USP8: variants seen among roughly 807,000 people sequenced by gnomAD.
The protein encoded by USP8 is ubiquitin specific peptidase 8.
USP8 carries 27 observed loss-of-function variants against 130.0 expected under a neutral mutation model. The observed-to-expected ratio is 0.21, with a 90% CI of 0.15 to 0.29. USP8 has a LOEUF of 0.29. Among genes scored for constraint, USP8 ranks in the 10% least tolerant of loss-of-function variants. USP8 has a pLI of 1.00. For synonymous variants in USP8, 392 were observed against 444.1 expected, an observed-to-expected ratio of 0.88 and a Z score of 1.48; for missense variants, 1,029 against 1,312.2, an observed-to-expected ratio of 0.78 and a Z score of 3.33.
intron 1 of USP8, among the ~76,000 whole-genome samples, chr15:50,436,498 G>A (rs1407904767): frequency 4.0e-5 from 6 of 151,860 alleles, no homozygotes; most frequent in Admixed American, 3.9e-4. Context: ...AACTTTGTTG[G>A]TTTTTTTGTT....
chr15:50,475,271 G>T (rs1289662171), intron 8 of USP8, among the ~76,000 whole-genome samples: 3 of 152,030 alleles, frequency 2.0e-5, no homozygotes, highest in African/African-American at 7.2e-5. Flanking sequence ...AAGGGGCAAA[G>T]GATACAATTA....
chr15:50,496,066 A>C lies in USP8; in HGVS notation c.2877A>C (p.Thr959=). ...FMYLSLPLAS[T]SKCTLQDCLR... ...ATTTGTCTCTACCACTAGCATCCAC[A>C]AGTAAATGTACATTACAGGTAAGTT... Residue 959 remains threonine, a synonymous_variant, in exon 17 of 20, where the codon ACA becomes ACC. Coordinates refer to ENST00000307179, the MANE Select transcript of USP8 (RefSeq NM_005154.5). 1 of 1,612,028 alleles carries C rather than the reference A, an allele frequency of 6.2e-7. No individual in the cohort carries two copies. The highest frequency in any genetic ancestry group is 8.5e-7 in the Non-Finnish European group (1 of 1,178,684).
intron 8 of USP8, among the ~76,000 whole-genome samples, chr15:50,476,042 A>G (rs528009715): frequency 1.7e-4 from 26 of 152,340 alleles, no homozygotes; most frequent in African/African-American, 5.8e-4. Flanking sequence ...ATGTGCATGT[A>G]TAAGGATCTT....
Position 50,443,538 on chromosome 15 carries a change from C to T in USP8, c.249+2045C>T, listed in dbSNP as rs1000086580. ...TCACTCTGTCGCCCAGACTGGAGTG[C>T]GGTAGCTCAATCTCGGCTCACTGCA... On this transcript the variant is annotated intron_variant, in intron 3 of 19. Coordinates refer to ENST00000307179, the MANE Select transcript of USP8 (RefSeq NM_005154.5). 4.0e-5 allele frequency among the ~76,000 whole-genome samples: 6 copies of T among 151,876 alleles called. No individual in the cohort carries two copies. In the East Asian group the frequency reaches 9.7e-4, roughly 24 times the overall value.
intron 5 of USP8, among the ~76,000 whole-genome samples, chr15:50,460,147 G>A (rs1181461013): frequency 1.2e-4 from 18 of 150,480 alleles, no homozygotes; most frequent in African/African-American, 3.9e-4. Flanking sequence ...ACAGGCGCCC[G>A]CCACCACACC....
rs1205167801 is a variant in USP8, at chr15:50,499,319, T to G, written c.*231T>G. 1 of 354,972 alleles carries G rather than the reference T, an allele frequency of 2.8e-6. No individual in the cohort carries two copies. 22.0% of individuals were successfully genotyped at this position (354,972 alleles called of 1,614,324 possible). A position where few individuals can be genotyped will look rare whatever the true frequency, so the allele number is the denominator to read the frequency against. Reference sequence around the variant, plus strand: ...ATTTATTTCAAAACAACTTTTTTAGTCTGCTCCAAAGTTAAAATAATTAAC... The same window carrying G: ...ATTTATTTCAAAACAACTTTTTTAGGCTGCTCCAAAGTTAAAATAATTAAC... On this transcript the variant is annotated 3_prime_UTR_variant, in exon 20 of 20. Coordinates refer to ENST00000307179, the MANE Select transcript of USP8 (RefSeq NM_005154.5).
chr15:50,466,584 G>A (rs1355950826), intron 7 of USP8, among the ~76,000 whole-genome samples: 1 of 148,000 alleles, frequency 6.8e-6, no homozygotes, highest in African/African-American at 2.5e-5. Context: ...TACAGAGGGA[G>A]ACTCTGTCTC....
At chr15:50,458,043 T>C (rs1352680697) in intron 4 of USP8, among the ~76,000 whole-genome samples, 2 of 152,192 alleles carry the variant, frequency 1.3e-5, no homozygotes, top group Admixed American at 1.3e-4. Context: ...GTCTTTAAAT[T>C]TGAAGCTCAC....
chr15:50,432,793 G>C (rs1030390051), intron 1 of USP8, among the ~76,000 whole-genome samples: 1 of 152,016 alleles, frequency 6.6e-6, no homozygotes, highest in Non-Finnish European at 1.5e-5. Flanking sequence ...TTTTAATGCT[G>C]ATCATGACCT....
chr15:50,478,486 T>C (rs1360100216), intron 10 of USP8, among the ~76,000 whole-genome samples: 2 of 152,192 alleles, frequency 1.3e-5, no homozygotes, highest in Non-Finnish European at 1.5e-5. Context: ...AGGTATTGAA[T>C]AGAAAATCTG....
intron 4 of USP8, among the ~76,000 whole-genome samples, chr15:50,453,802 A>C (rs2050698426): frequency 6.8e-6 from 1 of 146,980 alleles, no homozygotes; most frequent in Admixed American, 6.8e-5. Context: ...ACATAGTTAC[A>C]GTTTCTTGAT....
At chr15:50,479,853 G>C (rs1464254096) in intron 10 of USP8, among the ~76,000 whole-genome samples, 1 of 151,920 alleles carries the variant, frequency 6.6e-6, no homozygotes, top group Non-Finnish European at 1.5e-5. Context: ...CGACTTCCTG[G>C]GTTCAAGCAA....
In USP8 at chr15:50,508,893, G is replaced by A. The variant is rs1042740638; in HGVS notation, c.*9805G>A. The stretch of plus-strand genomic sequence containing the variant: ...CTCACGCCTGTAATCCCAGCACTTT[G>A]GGAGGCCGAGGCGGGCGGATCACGA... On this transcript the variant is annotated 3_prime_UTR_variant, in exon 20 of 20. Transcript: ENST00000307179. The A allele has an allele frequency of 2.0e-5, 3 of 151,656 alleles. No homozygotes were observed. Among genetic ancestry groups the A allele is most frequent in the Middle Eastern group, 6.4e-3 (2 of 314 alleles). 9.4% of individuals were successfully genotyped at this position (151,656 alleles called of 1,614,324 possible). A position where few individuals can be genotyped will look rare whatever the true frequency, so the allele number is the denominator to read the frequency against.
intron 3 of USP8, among the ~76,000 whole-genome samples, chr15:50,447,711 C>T (rs1446100296): frequency 2.6e-5 from 4 of 151,158 alleles, no homozygotes; most frequent in African/African-American, 4.9e-5. Flanking sequence ...TACAGGCGCA[C>T]GCCACCATGC....
intron 1 of USP8, chr15:50,432,609 A>G (rs1206091808): frequency 6.6e-6 from 1 of 152,246 alleles, no homozygotes; most frequent in Non-Finnish European, 1.5e-5. Context: ...ACTTGGAGTT[A>G]CATTGCTGTA....
chr15:50,458,726 CAA>C (rs770464126), intron 4 of USP8: 47 of 284,654 alleles, frequency 1.7e-4, no homozygotes, highest in South Asian at 8.2e-4. Flanking sequence ...AGATTTGAAT[CAA>C]TATAAAAGGT....
chr15:50,489,843 G>A lies in USP8; in HGVS notation c.1933G>A (p.Gly645Arg). The change falls in exon 13 of 20, where the codon GGG becomes AGG. Residue 645 changes from glycine (G) to arginine (R), a missense_variant. By Grantham distance (125) the Gly-to-Arg change is moderately radical. Coordinates refer to ENST00000307179, the MANE Select transcript of USP8 (RefSeq NM_005154.5). ...PLTRARSEEM[G>R]RIVPGLPSGW... ...GACAAGAGCACGAAGTGAAGAAATGGGGAGGATCGTACCAGGACTGCCTTC... is the reference window on the plus strand; with the variant it reads ...GACAAGAGCACGAAGTGAAGAAATGAGGAGGATCGTACCAGGACTGCCTTC... 6.3e-7 allele frequency: 1 copy of A among 1,580,524 alleles called. No homozygotes were observed. The highest frequency in any genetic ancestry group is 8.6e-7 in the Non-Finnish European group (1 of 1,163,626).
Position 50,500,785 on chromosome 15 carries a change from G to A in USP8, c.*1697G>A, listed in dbSNP as rs748233644. The A allele has an allele frequency of 6.3e-7, 1 of 1,590,072 alleles. No homozygotes were observed. The highest frequency in any genetic ancestry group is 1.7e-4 in the Middle Eastern group (1 of 6,040). On this transcript the variant is annotated 3_prime_UTR_variant, in exon 20 of 20. Transcript: ENST00000307179. Reference sequence around the variant, plus strand: ...AAAGCTATATCAGGCCTGGGTGACTGAATTCTTGCAGAAAGCAGTGTAGTG... The same window carrying A: ...AAAGCTATATCAGGCCTGGGTGACTAAATTCTTGCAGAAAGCAGTGTAGTG...
In USP8 at chr15:50,488,806, C is replaced by T. The variant is rs545883548; in HGVS notation, c.1891-995C>T. Among the ~76,000 whole-genome samples, 6 of 151,742 alleles carry T rather than the reference C, an allele frequency of 4.0e-5. No homozygotes were observed. In the South Asian group the frequency reaches 1.0e-3, roughly 26 times the overall value. Reference sequence around the variant, plus strand: ...CAGGCTGGTCTCGAACTCCTGACCTCAGGTGATCCACCTGCCTCGGCCTCC... The same window carrying T: ...CAGGCTGGTCTCGAACTCCTGACCTTAGGTGATCCACCTGCCTCGGCCTCC... On this transcript the variant is annotated intron_variant, in intron 12 of 19. Coordinates refer to ENST00000307179, the MANE Select transcript of USP8 (RefSeq NM_005154.5).
Sources: gnomAD v4.1 joint callset for allele counts (sites outside exome capture counted in the v4.1 genomes callset) on GRCh38, gnomAD v4.1.1 for gene constraint, MANE v1.5 for transcripts, NCBI Gene and HGNC (gene_info 2026-07-23, HGNC 2026-07-21) for gene names.